Variants in LHFPL3 observed in about 807,000 individuals in gnomAD.
LHFPL3 encodes the protein LHFPL tetraspan subfamily member 3 protein.
LHFPL3 carries 5 observed loss-of-function variants against 19.3 expected under a neutral mutation model. That is an observed-to-expected ratio of 0.26 (90% confidence interval 0.14 to 0.54). The LOEUF (loss-of-function observed/expected upper bound fraction) is 0.54, where lower values mean the gene tolerates loss of function less well. Among genes scored for constraint, LHFPL3 ranks in the 20% least tolerant of loss-of-function variants. The pLI is 0.94. For synonymous variants in LHFPL3, 133 were observed against 126.2 expected, an observed-to-expected ratio of 1.05 and a Z score of -0.36; for missense variants, 249 against 307.4, an observed-to-expected ratio of 0.81 and a Z score of 1.42.
At chr7:104,852,214 A>C (rs746406707) in intron 2 of LHFPL3, among the ~76,000 whole-genome samples, 3 of 152,178 alleles carry the variant, frequency 2.0e-5, no homozygotes, top group African/African-American at 4.8e-5. Flanking sequence ...CATAATTAAA[A>C]GGCAGATCTC....
intron 2 of LHFPL3, among the ~76,000 whole-genome samples, chr7:104,865,974 C>G (rs1467184198): frequency 1.3e-5 from 2 of 152,166 alleles, no homozygotes; most frequent in African/African-American, 4.8e-5. Context: ...CCAGCCAAAC[C>G]AAGCTTCATA....
intron 1 of LHFPL3, among the ~76,000 whole-genome samples, chr7:104,533,114 T>G (rs184580093): frequency 4.6e-5 from 7 of 152,230 alleles, no homozygotes; most frequent in Admixed American, 1.3e-4. Flanking sequence ...ATCAGCTAAA[T>G]TCTCTGCATT....
chr7:104,699,760 G>A lies in LHFPL3; in HGVS notation c.446-36915G>A, dbSNP rs116736863. On this transcript the variant is annotated intron_variant, in intron 1 of 2. Transcript: ENST00000424859. Reference sequence around the variant, plus strand: ...AAGCAGTTTTCCCCAGCATCCCCTCGCAGGACAGAATTTAGTTATCCTCAT... The same window carrying A: ...AAGCAGTTTTCCCCAGCATCCCCTCACAGGACAGAATTTAGTTATCCTCAT... Among the ~76,000 whole-genome samples the A allele has an allele frequency of 4.8e-3, 733 of 152,214 alleles. 10 individuals carry two copies. Among genetic ancestry groups the A allele is most frequent in the African/African-American group, 0.016 (648 of 41,518 alleles).
chr7:104,845,260 T>C (rs978574424), intron 2 of LHFPL3: 1 of 690,246 alleles, frequency 1.4e-6, no homozygotes, highest in Non-Finnish European at 2.6e-6. Context: ...TCACCAAGTA[T>C]GTCTCTGCAC....
intron 1 of LHFPL3, among the ~76,000 whole-genome samples, chr7:104,369,715 G>A (rs1033511529): frequency 7.2e-5 from 11 of 152,124 alleles, no homozygotes; most frequent in African/African-American, 2.4e-4. Context: ...TTTGATTATA[G>A]CAGTACTTGT....
chr7:104,672,087 G>GTGTGTA (rs776836530), intron 1 of LHFPL3, among the ~76,000 whole-genome samples: 96 of 147,616 alleles, frequency 6.5e-4, no homozygotes, highest in African/African-American at 2.3e-3. Flanking sequence ...GTGTGTGTGT[G>GTGTGTA]TTTGCAATGG....
intron 1 of LHFPL3, among the ~76,000 whole-genome samples, chr7:104,364,060 TAG>T (rs1790439182): frequency 6.6e-6 from 1 of 152,174 alleles, no homozygotes; most frequent in Admixed American, 6.5e-5. Flanking sequence ...GTATTAAAAG[TAG>T]AGTCGCAAGG....
intron 2 of LHFPL3, among the ~76,000 whole-genome samples, chr7:104,881,044 C>T (rs1792044619): frequency 6.6e-6 from 1 of 151,910 alleles, no homozygotes; most frequent in Non-Finnish European, 1.5e-5. Flanking sequence ...CTAGCAGGCA[C>T]CTGTAGTCCC....
chr7:104,465,804 A>C (rs546688955), intron 1 of LHFPL3, among the ~76,000 whole-genome samples: 77 of 152,346 alleles, frequency 5.1e-4, no homozygotes, highest in African/African-American at 1.6e-3. Context: ...GCCAGACCAT[A>C]TCACTGCCTT....
At chr7:104,844,238 G>C (rs539979147) in intron 2 of LHFPL3, among the ~76,000 whole-genome samples, 46 of 152,312 alleles carry the variant, frequency 3.0e-4, no homozygotes, top group Middle Eastern at 3.4e-3. Flanking sequence ...CCCCATCCAT[G>C]CACTGGCACC....
At chr7:104,424,673 A>G (rs971179193) in intron 1 of LHFPL3, among the ~76,000 whole-genome samples, 25 of 152,170 alleles carry the variant, frequency 1.6e-4, no homozygotes, top group Admixed American at 1.4e-3. Context: ...CCTGCAATGC[A>G]CAGGACAGCT....
At chr7:104,436,663 T>C (rs779082203) in intron 1 of LHFPL3, among the ~76,000 whole-genome samples, 5 of 152,236 alleles carry the variant, frequency 3.3e-5, no homozygotes, top group Non-Finnish European at 7.3e-5. Flanking sequence ...GATATGGACA[T>C]CTATATGAGG....
At chr7:104,465,142 T>TC (rs35524421) in intron 1 of LHFPL3, among the ~76,000 whole-genome samples, 32,777 of 151,910 alleles carry the variant, frequency 0.22, 3,841 homozygotes, top group African/African-American at 0.32. Context: ...CCCAAAAAGT[T>TC]CCCATCTCCA....
chr7:104,605,304 C>A (rs577447357), intron 1 of LHFPL3, among the ~76,000 whole-genome samples: 1 of 152,018 alleles, frequency 6.6e-6, no homozygotes, highest in Non-Finnish European at 1.5e-5. Flanking sequence ...TACCTTCTTA[C>A]TAATGAATAG....
At chr7:104,575,485 A>ATATTATTG (rs1169902038) in intron 1 of LHFPL3, among the ~76,000 whole-genome samples, 1 of 148,032 alleles carries the variant, frequency 6.8e-6, no homozygotes, top group African/African-American at 2.5e-5. Flanking sequence ...CAATTTTTAT[A>ATATTATTG]TATTATTGGC....
At chr7:104,858,772 G>A (rs940850687) in intron 2 of LHFPL3, among the ~76,000 whole-genome samples, 1 of 151,890 alleles carries the variant, frequency 6.6e-6, no homozygotes, top group African/African-American at 2.4e-5. Flanking sequence ...CCTCCCCTTG[G>A]GTCCCTCCAG....
chr7:104,359,608 A>G (rs1317580776), intron 1 of LHFPL3, among the ~76,000 whole-genome samples: 28 of 152,254 alleles, frequency 1.8e-4, no homozygotes, highest in Admixed American at 1.8e-3. Context: ...ATAGGAAACC[A>G]TAAGCAGCTT....
Position 104,587,294 on chromosome 7 carries a change from A to G in LHFPL3, c.446-149381A>G, listed in dbSNP as rs373074839. Among the ~76,000 whole-genome samples, 3 of 151,984 alleles carry G rather than the reference A, an allele frequency of 2.0e-5. No individual in the cohort carries two copies. The South Asian group carries it at 6.2e-4, about 32-fold the overall frequency. ...CTCCCCACACCCCACAATAGGCCCC[A>G]GTGTGTGATGTTCCCCACCCTGTGT... On this transcript the variant is annotated intron_variant, in intron 1 of 2. Transcript: ENST00000424859.
chr7:104,620,312 T>G (rs1176348798), intron 1 of LHFPL3, among the ~76,000 whole-genome samples: 1 of 152,210 alleles, frequency 6.6e-6, no homozygotes, highest in African/African-American at 2.4e-5. Context: ...TTAGGAATAA[T>G]CTTCACTCCA....
Sources: gnomAD v4.1 joint callset for allele counts (sites outside exome capture counted in the v4.1 genomes callset) on GRCh38, gnomAD v4.1.1 for gene constraint, MANE v1.5 for transcripts, NCBI Gene and HGNC (gene_info 2026-07-23, HGNC 2026-07-21) for gene names.